The following BTBD16 variants were observed in gnomAD, a reference collection of about 807,000 sequenced individuals.
BTBD16 encodes BTB domain containing 16, also known as BTB/POZ domain-containing protein 16.
BTBD16 carries 66 observed loss-of-function variants against 67.4 expected under a neutral mutation model. That is an observed-to-expected ratio of 0.98 (90% confidence interval 0.80 to 1.20). The LOEUF (loss-of-function observed/expected upper bound fraction) is 1.20. BTBD16 is among the 50% of genes most tolerant of loss of function. The probability of loss-of-function intolerance (pLI) is 0.00; values close to 1 mark genes in which losing one functional copy is unlikely to be tolerated. For synonymous variants in BTBD16, 242 were observed against 236.4 expected, an observed-to-expected ratio of 1.02 and a Z score of -0.22; for missense variants, 634 against 616.0, an observed-to-expected ratio of 1.03 and a Z score of -0.31.
chr10:122,286,851 T>G (rs2096364747), intron 5 of BTBD16, among the ~76,000 whole-genome samples: 1 of 152,202 alleles, frequency 6.6e-6, no homozygotes, highest in Non-Finnish European at 1.5e-5. Context: ...ACCTGGTCTC[T>G]AAGTCGTCTC....
intron 5 of BTBD16, among the ~76,000 whole-genome samples, chr10:122,288,878 C>T (rs535627545): frequency 6.6e-6 from 1 of 152,000 alleles, no homozygotes; most frequent in East Asian, 1.9e-4. Context: ...ATGGGCAGAG[C>T]GGTGGGCAGG....
At chr10:122,328,735 G>A (rs2096449760) in intron 10 of BTBD16, 1 of 985,182 alleles carries the variant, frequency 1.0e-6, no homozygotes, top group East Asian at 1.1e-4. Flanking sequence ...TTTATGAAAA[G>A]TGACCATTTT....
Position 122,329,806 on chromosome 10 carries a change from T to C in BTBD16, c.1003+235T>C, listed in dbSNP as rs958135332. ...TGATGAAATATAGTGATGGCTAGAA[T>C]GGGCTTATATATTGTGAAGCAGTGT... is the stretch of plus-strand genomic sequence containing the variant. On this transcript the variant is annotated intron_variant, in intron 11 of 15. Transcript: ENST00000260723. Among the ~76,000 whole-genome samples, 3 of 152,236 alleles carry C rather than the reference T, an allele frequency of 2.0e-5. No individual in the cohort carries two copies. In the South Asian group the frequency reaches 6.2e-4, roughly 32 times the overall value.
intron 10 of BTBD16, among the ~76,000 whole-genome samples, chr10:122,309,758 C>A (rs1461431756): frequency 6.7e-6 from 1 of 150,350 alleles, no homozygotes; most frequent in Non-Finnish European, 1.5e-5. Context: ...CAAGCATGAG[C>A]CACTGTGCTG....
intron 9 of BTBD16, among the ~76,000 whole-genome samples, chr10:122,304,639 C>G (rs2096400173): frequency 6.8e-6 from 1 of 147,138 alleles, no homozygotes; most frequent in Non-Finnish European, 1.5e-5. Context: ...ACTGCAAGCT[C>G]TGCCTCCCAG....
At position 122,271,524 on chromosome 10, in the gene BTBD16, A is replaced by G. The variant is rs973966707; in HGVS notation, c.-43+10A>G. 1 of 152,332 alleles carries G rather than the reference A, an allele frequency of 6.6e-6. No individual in the cohort carries two copies. Among genetic ancestry groups the G allele is most frequent in the Non-Finnish European group, 1.5e-5 (1 of 68,138 alleles). 9.4% of individuals were successfully genotyped at this position (152,332 alleles called of 1,614,324 possible). A position where few individuals can be genotyped will look rare whatever the true frequency, so the allele number is the denominator to read the frequency against. On this transcript the variant is annotated intron_variant, in intron 1 of 15. Coordinates refer to ENST00000260723, the MANE Select transcript of BTBD16 (RefSeq NM_144587.5). ...AAAGGGCTTTGGAACGGTAAGTACA[A>G]TGGGTATTTTTCAGCCACTTCAGAG... is the stretch of plus-strand genomic sequence containing the variant.
chr10:122,324,287 C>T (rs967944432), intron 10 of BTBD16, among the ~76,000 whole-genome samples: 2 of 152,202 alleles, frequency 1.3e-5, no homozygotes, highest in East Asian at 1.9e-4. Context: ...CACCTTCCCC[C>T]ACCCATTCCC....
At chr10:122,326,850 T>C (rs1205108265) in intron 10 of BTBD16, among the ~76,000 whole-genome samples, 1 of 152,102 alleles carries the variant, frequency 6.6e-6, no homozygotes, top group Non-Finnish European at 1.5e-5. Context: ...AAAAAATAAG[T>C]GCTAAACCAA....
chr10:122,285,904 G>A (rs761575963), intron 4 of BTBD16, among the ~76,000 whole-genome samples: 5 of 152,124 alleles, frequency 3.3e-5, no homozygotes, highest in Non-Finnish European at 5.9e-5. Flanking sequence ...CTGTAAGACT[G>A]GTTTGGTGTC....
chr10:122,336,512 C>G lies in BTBD16; in HGVS notation c.1282C>G (p.Leu428Val), dbSNP rs763756504. The G allele has an allele frequency of 6.2e-7, 1 of 1,608,656 alleles. No individual in the cohort carries two copies. The highest frequency in any genetic ancestry group is 1.7e-5 in the Admixed American group (1 of 58,256). ...TTTGCAGAGAATAAAGCACACAGAC[C>G]TGGAATCTCCCTCTGCGGTCTACGA... The part of the protein sequence containing the change: ...FYMQRIKHTD[L>V]ESPSAVYEHN... Residue 428 changes from leucine (L) to valine (V), a missense_variant, in exon 15 of 16, where the codon CTG becomes GTG. Physicochemically the swap from Leu to Val is conservative, Grantham distance 32. Coordinates refer to ENST00000260723, the MANE Select transcript of BTBD16 (RefSeq NM_144587.5).
chr10:122,278,006 A>G (rs1239990168), intron 3 of BTBD16, among the ~76,000 whole-genome samples: 2 of 152,220 alleles, frequency 1.3e-5, no homozygotes, highest in African/African-American at 4.8e-5. Flanking sequence ...CACCTGGCAC[A>G]GAAGAACTGC....
rs527496685 is a variant in BTBD16 at position 122,298,852 on chromosome 10, G to T, written c.661-152G>T. 3.1e-5 allele frequency: 29 copies of T among 943,826 alleles called. No individual in the cohort carries two copies. The South Asian group carries it at 5.5e-4, about 18-fold the overall frequency. 58.5% of individuals were successfully genotyped at this position (943,826 alleles called of 1,614,324 possible). On this transcript the variant is annotated intron_variant, in intron 8 of 15. Transcript: ENST00000260723. Reference sequence around the variant, plus strand: ...TCGAGCATAGAAAACACTTAGAAAAGGTATCTGCTGTAATTCATGTATTTT... The same window carrying T: ...TCGAGCATAGAAAACACTTAGAAAATGTATCTGCTGTAATTCATGTATTTT...
rs115107279 is a variant in BTBD16 at position 122,333,121 on chromosome 10, C to T, written c.1164+608C>T. ...TCCTTTGATTATTTCAAGGCACCCCCGCAGTGATCTCAAAAGAATTCACGT... is the reference window on the plus strand; with the variant it reads ...TCCTTTGATTATTTCAAGGCACCCCTGCAGTGATCTCAAAAGAATTCACGT... On this transcript the variant is annotated intron_variant, in intron 13 of 15. Transcript: ENST00000260723. The T allele has an allele frequency of 2.3e-3, 546 of 234,314 alleles. 2 individuals carry two copies. Among genetic ancestry groups the T allele is most frequent in the African/African-American group, 0.012 (510 of 42,906 alleles). 14.5% of individuals were successfully genotyped at this position (234,314 alleles called of 1,614,324 possible). A position where few individuals can be genotyped will look rare whatever the true frequency, so the allele number is the denominator to read the frequency against.
chr10:122,277,896 T>G (rs1410211458), intron 3 of BTBD16, among the ~76,000 whole-genome samples: 1 of 152,232 alleles, frequency 6.6e-6, no homozygotes, highest in Non-Finnish European at 1.5e-5. Flanking sequence ...CCTGGTGCCA[T>G]GGACCTGGCT....
chr10:122,287,357 A>C, intron 5 of BTBD16: 1 of 887,454 alleles, frequency 1.1e-6, no homozygotes, highest in Non-Finnish European at 1.4e-6. Context: ...TTGGAAGTGG[A>C]AATGGAGTCA....
At chr10:122,335,079 T>C (rs907472376) in intron 14 of BTBD16, 100 bp downstream of exon 14, 1 of 635,330 alleles carries the variant, frequency 1.6e-6, no homozygotes. Context: ...CATTAATTAC[T>C]CATTGACATG....
chr10:122,275,553 A>G (rs1024865875), intron 2 of BTBD16, among the ~76,000 whole-genome samples: 19 of 152,190 alleles, frequency 1.2e-4, no homozygotes, highest in African/African-American at 3.9e-4. Flanking sequence ...ATGAGAACTG[A>G]GAGCCTCAGA....
intron 1 of BTBD16, among the ~76,000 whole-genome samples, chr10:122,273,221 G>GATAGATATATATATATATATATATATAT (rs1034902866): frequency 7.7e-6 from 1 of 129,470 alleles, no homozygotes; most frequent in Non-Finnish European, 1.6e-5. Flanking sequence ...GCAACACAAA[G>GATAGATATATATATATATATATATATAT]ATATATATAT....
chr10:122,313,994 C>T (rs1291801102), intron 10 of BTBD16, among the ~76,000 whole-genome samples: 1 of 152,146 alleles, frequency 6.6e-6, no homozygotes, highest in African/African-American at 2.4e-5. Context: ...AGACATCCCC[C>T]AATTTTGTTC....
Sources: gnomAD v4.1 joint callset for allele counts (sites outside exome capture counted in the v4.1 genomes callset) on GRCh38, gnomAD v4.1.1 for gene constraint, MANE v1.5 for transcripts, NCBI Gene and HGNC (gene_info 2026-07-23, HGNC 2026-07-21) for gene names.